The following SOCS2 variants were observed in gnomAD, a reference collection of about 807,000 sequenced individuals.
SOCS2 encodes the protein suppressor of cytokine signaling 2, also known as CIS-2.
In SOCS2, 10 loss-of-function variants were observed where a neutral mutation model predicts 18.6. The observed-to-expected ratio is 0.54, with a 90% CI of 0.33 to 0.91. SOCS2 has a LOEUF of 0.91. SOCS2 is among the 40% of genes least tolerant of loss of function. The probability of loss-of-function intolerance (pLI) is 0.02; values close to 1 mark genes in which losing one functional copy is unlikely to be tolerated. For synonymous variants in SOCS2, 104 were observed against 104.0 expected (o/e 1.00, Z 0.00); for missense variants, 231 against 247.2 (o/e 0.93, Z 0.44).
the SOCS2 span, among the ~76,000 whole-genome samples, chr12:93,623,035 T>A: frequency 2.0e-5 from 3 of 152,208 alleles, no homozygotes; most frequent in African/African-American, 7.2e-5. Context: ...ATATTTACTC[T>A]TGCCTGGATA....
chr12:93,584,916 C>T (rs534867350), downstream of SOCS2, among the ~76,000 whole-genome samples: 23 of 152,210 alleles, frequency 1.5e-4, no homozygotes, highest in South Asian at 4.6e-3. Context: ...GTGCCTGCCA[C>T]CATGCCCAAC....
the SOCS2 span, among the ~76,000 whole-genome samples, chr12:93,599,684 T>C: frequency 6.6e-6 from 1 of 152,232 alleles, no homozygotes; most frequent in African/African-American, 2.4e-5. Context: ...CCTTCTTAAA[T>C]GGATTAATGT....
chr12:93,571,340 G>C (rs907375751), upstream of SOCS2: 6 of 152,266 alleles, frequency 3.9e-5, no homozygotes, highest in African/African-American at 1.4e-4. Context: ...TCGGAGCGCC[G>C]GGGAAGAGAG....
the SOCS2 span, among the ~76,000 whole-genome samples, chr12:93,620,123 A>G: frequency 3.9e-5 from 6 of 152,150 alleles, no homozygotes; most frequent in Non-Finnish European, 5.9e-5. Flanking sequence ...CCTGTCTTAT[A>G]TAACTCATTT....
chr12:93,620,802 ATTG>A, the SOCS2 span, among the ~76,000 whole-genome samples: 1 of 152,228 alleles, frequency 6.6e-6, no homozygotes, highest in Admixed American at 6.5e-5. Flanking sequence ...AAACACTACA[ATTG>A]TTAACTACAC....
chr12:93,584,316 T>C (rs1954570659), downstream of SOCS2, among the ~76,000 whole-genome samples: 1 of 152,236 alleles, frequency 6.6e-6, no homozygotes. Context: ...GATAACAACC[T>C]ATTTTCAGTT....
the SOCS2 span, among the ~76,000 whole-genome samples, chr12:93,624,388 T>C: frequency 6.6e-6 from 1 of 152,126 alleles, no homozygotes; most frequent in Non-Finnish European, 1.5e-5. Context: ...CTGACCAACA[T>C]GGTGAAACCT....
the SOCS2 span, among the ~76,000 whole-genome samples, chr12:93,602,047 TGG>T: frequency 6.6e-6 from 1 of 152,160 alleles, no homozygotes; most frequent in Non-Finnish European, 1.5e-5. Flanking sequence ...GATTGCAAGA[TGG>T]GGCCAAGAAA....
At chr12:93,620,908 G>A in the SOCS2 span, among the ~76,000 whole-genome samples, 1 of 152,156 alleles carries the variant, frequency 6.6e-6, no homozygotes, top group African/African-American at 2.4e-5. Flanking sequence ...CAGATAGATG[G>A]ATACCTTTGG....
downstream of SOCS2, among the ~76,000 whole-genome samples, chr12:93,577,794 G>C (rs1424018104): frequency 6.6e-6 from 1 of 152,122 alleles, no homozygotes; most frequent in African/African-American, 2.4e-5. Flanking sequence ...CGGGGAGGGG[G>C]CTTCCTATTT....
the SOCS2 span, among the ~76,000 whole-genome samples, chr12:93,610,218 A>T: frequency 2.0e-5 from 3 of 152,294 alleles, no homozygotes; most frequent in South Asian, 6.2e-4. Flanking sequence ...CACACATAAG[A>T]ATCATGTGGA....
intron 1 of SOCS2, among the ~76,000 whole-genome samples, chr12:93,582,470 G>GTTA (rs780476613): frequency 1.1e-4 from 17 of 152,246 alleles, no homozygotes; most frequent in Non-Finnish European, 2.4e-4. Flanking sequence ...CCGGTTAAGT[G>GTTA]TTAGGTAGGA....
the SOCS2 span, among the ~76,000 whole-genome samples, chr12:93,624,299 G>T: frequency 6.6e-6 from 1 of 152,064 alleles, no homozygotes; most frequent in East Asian, 1.9e-4. Flanking sequence ...CTGGCCAAGC[G>T]CAGTGGCTCA....
At chr12:93,581,144 CTG>C (rs1315752331), downstream of SOCS2, among the ~76,000 whole-genome samples, 1 of 152,160 alleles carries the variant, frequency 6.6e-6, no homozygotes, top group African/African-American at 2.4e-5. Flanking sequence ...TTACTAAAAA[CTG>C]AGAGATTTTG....
the SOCS2 span, among the ~76,000 whole-genome samples, chr12:93,625,124 C>T: frequency 6.6e-6 from 1 of 152,192 alleles, no homozygotes; most frequent in Non-Finnish European, 1.5e-5. Context: ...TGGTTATTTC[C>T]CATGCTGAAT....
At chr12:93,609,979 C>CT in the SOCS2 span, among the ~76,000 whole-genome samples, 1 of 152,148 alleles carries the variant, frequency 6.6e-6, no homozygotes, top group Admixed American at 6.5e-5. Context: ...GCTGAAGTTG[C>CT]TTTTAGAAGA....
At chr12:93,597,325 T>C in the SOCS2 span, among the ~76,000 whole-genome samples, 1 of 152,166 alleles carries the variant, frequency 6.6e-6, no homozygotes, top group Non-Finnish European at 1.5e-5. Context: ...AATTTTATCA[T>C]TTCAAATCCC....
the SOCS2 span, among the ~76,000 whole-genome samples, chr12:93,626,179 G>A: frequency 6.6e-6 from 1 of 152,102 alleles, no homozygotes; most frequent in Admixed American, 6.5e-5. Flanking sequence ...CACAGATGCC[G>A]TTCTCTCTTA....
intron 1 of SOCS2, among the ~76,000 whole-genome samples, chr12:93,581,805 A>C (rs540210649): frequency 2.3e-4 from 35 of 152,218 alleles, no homozygotes; most frequent in Non-Finnish European, 4.3e-4. Context: ...AGACCATGAG[A>C]AAGGATGGAG....
Sources: gnomAD v4.1 joint callset for allele counts (sites outside exome capture counted in the v4.1 genomes callset) on GRCh38, gnomAD v4.1.1 for gene constraint, MANE v1.5 for transcripts, NCBI Gene and HGNC (gene_info 2026-07-23, HGNC 2026-07-21) for gene names.